COL19A1: variants seen among roughly 807,000 people sequenced by gnomAD.
COL19A1 encodes collagen alpha-1(XIX) chain.
COL19A1 carries 159 observed loss-of-function variants against 190.2 expected under a neutral mutation model. The ratio of observed to expected loss-of-function variants is 0.84; its 90% confidence interval spans 0.73 to 0.95. The LOEUF (loss-of-function observed/expected upper bound fraction) is 0.95, where lower values mean the gene tolerates loss of function less well. COL19A1 is among the 40% of genes least tolerant of loss of function. The probability of loss-of-function intolerance (pLI) is 0.00; values close to 1 mark genes in which losing one functional copy is unlikely to be tolerated. For synonymous variants in COL19A1, 509 were observed against 458.9 expected, an observed-to-expected ratio of 1.11 and a Z score of -1.39; for missense variants, 1,418 against 1,431.9, an observed-to-expected ratio of 0.99 and a Z score of 0.16.
At chr6:70,087,636 G>C (rs1358583637) in intron 15 of COL19A1, among the ~76,000 whole-genome samples, 2 of 152,250 alleles carry the variant, frequency 1.3e-5, no homozygotes, top group East Asian at 3.9e-4. Context: ...ATTTCATTTA[G>C]AAACAGAGGC....
chr6:70,104,008 C>T (rs1783800651), intron 16 of COL19A1, among the ~76,000 whole-genome samples: 1 of 152,184 alleles, frequency 6.6e-6, no homozygotes, highest in Non-Finnish European at 1.5e-5. Flanking sequence ...GGCCTCAACC[C>T]AGTACCCTAG....
At chr6:69,921,542 A>ATATATATTCATATATATATTCG (rs1275409868) in intron 4 of COL19A1, among the ~76,000 whole-genome samples, 1 of 135,200 alleles carries the variant, frequency 7.4e-6, no homozygotes, top group African/African-American at 2.7e-5. Flanking sequence ...ATGTATATTC[A>ATATATATTCATATATATATTCG]TATATATTCA....
intron 3 of COL19A1, among the ~76,000 whole-genome samples, chr6:69,899,479 G>GA: frequency 6.6e-6 from 1 of 151,892 alleles, no homozygotes; most frequent in Non-Finnish European, 1.5e-5. Context: ...AGATGATGTA[G>GA]AAAAAATTCC....
At chr6:70,125,088 T>A (rs577176795) in intron 17 of COL19A1, among the ~76,000 whole-genome samples, 2 of 127,708 alleles carry the variant, frequency 1.6e-5, no homozygotes, top group East Asian at 4.4e-4. Context: ...CCTGTCTGTT[T>A]TTGGACACTG....
intron 14 of COL19A1, among the ~76,000 whole-genome samples, chr6:70,041,726 C>A (rs80071095): frequency 0.05 from 7,650 of 151,956 alleles, 250 homozygotes; most frequent in Non-Finnish European, 0.075. Context: ...ATAAAAAAAA[C>A]AGAAATGTTC....
intron 15 of COL19A1, among the ~76,000 whole-genome samples, chr6:70,079,069 G>T (rs969281043): frequency 1.3e-5 from 2 of 152,002 alleles, no homozygotes; most frequent in Non-Finnish European, 2.9e-5. Context: ...CTATCTCAAA[G>T]AAAAGAAAAC....
intron 16 of COL19A1, among the ~76,000 whole-genome samples, chr6:70,112,333 A>G (rs1451705120): frequency 6.6e-6 from 1 of 152,048 alleles, no homozygotes; most frequent in East Asian, 1.9e-4. Flanking sequence ...TGGGTCATTG[A>G]TGTTGCATCT....
chr6:70,067,549 C>T lies in COL19A1; in HGVS notation c.1171-874C>T, dbSNP rs1178614047. On this transcript the variant is annotated intron_variant, in intron 14 of 50. Coordinates refer to ENST00000620364, the MANE Select transcript of COL19A1 (RefSeq NM_001858.6). The stretch of plus-strand genomic sequence containing the variant: ...GAGGTAGCAGTGGTTCCATCAAGCA[C>T]GTCGTGGGTCTGAATGCAGCTCAGA... Among the ~76,000 whole-genome samples, 5 of 152,074 alleles carry T rather than the reference C, an allele frequency of 3.3e-5. No homozygotes were observed. In the Middle Eastern group the frequency reaches 0.01, roughly 310 times the overall value.
chr6:69,883,149 T>C (rs1768675581), intron 2 of COL19A1, among the ~76,000 whole-genome samples: 2 of 152,220 alleles, frequency 1.3e-5, no homozygotes, highest in African/African-American at 2.4e-5. Flanking sequence ...GGCGGCGGCA[T>C]GCTTGGCATG....
chr6:70,201,276 C>G (rs16868656), intron 49 of COL19A1, among the ~76,000 whole-genome samples: 8,994 of 152,230 alleles, frequency 0.059, 501 homozygotes, highest in African/African-American at 0.14. Context: ...CTGTTCCACT[C>G]AAACACCTGG....
At chr6:70,093,060 T>A (rs1783027673) in intron 15 of COL19A1, among the ~76,000 whole-genome samples, 1 of 152,150 alleles carries the variant, frequency 6.6e-6, no homozygotes, top group Non-Finnish European at 1.5e-5. Flanking sequence ...ACTCTAAACC[T>A]ACAAACATAA....
rs182971351 is a variant in COL19A1 at position 69,905,179 on chromosome 6, C to T, written c.266+4841C>T. Among the ~76,000 whole-genome samples, 395 of 152,250 alleles carry T rather than the reference C, an allele frequency of 2.6e-3. 2 individuals carry two copies. Among genetic ancestry groups the T allele is most frequent in the Non-Finnish European group, 3.4e-3 (234 of 68,014 alleles). ...ATGCCAATTGTCAGGTCCATGACTA[C>T]GCCAGATGTTATGCTGGGGTCAGGT... On this transcript the variant is annotated intron_variant, in intron 4 of 50. Coordinates refer to ENST00000620364, the MANE Select transcript of COL19A1 (RefSeq NM_001858.6).
At chr6:69,899,993 T>A (rs1770060905) in intron 3 of COL19A1, among the ~76,000 whole-genome samples, 1 of 152,192 alleles carries the variant, frequency 6.6e-6, no homozygotes, top group African/African-American at 2.4e-5. Flanking sequence ...AAATTAAAAT[T>A]GAGTTTTTTT....
At chr6:70,168,900 G>A (rs770396856) in intron 40 of COL19A1, among the ~76,000 whole-genome samples, 48 of 152,170 alleles carry the variant, frequency 3.2e-4, no homozygotes, top group Admixed American at 9.2e-4. Context: ...GTCTCTTTCC[G>A]TCAGTGTGTT....
chr6:70,118,542 G>T (rs1784712554), intron 16 of COL19A1, among the ~76,000 whole-genome samples: 1 of 152,058 alleles, frequency 6.6e-6, no homozygotes, highest in African/African-American at 2.4e-5. Flanking sequence ...CATTAAACTT[G>T]CAATTTGTGG....
At chr6:69,870,349 A>C (rs1767747155) in intron 1 of COL19A1, among the ~76,000 whole-genome samples, 1 of 152,238 alleles carries the variant, frequency 6.6e-6, no homozygotes, top group Non-Finnish European at 1.5e-5. Flanking sequence ...GCAGAAGCAT[A>C]AGTGGGTATT....
intron 18 of COL19A1, among the ~76,000 whole-genome samples, chr6:70,131,835 C>T (rs2150224447): frequency 6.6e-6 from 1 of 152,304 alleles, no homozygotes; most frequent in South Asian, 2.1e-4. Context: ...CTTAGACATT[C>T]TTAAGACCTC....
intron 19 of COL19A1, among the ~76,000 whole-genome samples, chr6:70,138,031 A>G (rs1785980287): frequency 6.6e-6 from 1 of 152,212 alleles, no homozygotes; most frequent in African/African-American, 2.4e-5. Context: ...CCAAAGTCAC[A>G]CAGTACTAAG....
chr6:70,197,915 C>T (rs1428713762), intron 48 of COL19A1, among the ~76,000 whole-genome samples: 1 of 152,210 alleles, frequency 6.6e-6, no homozygotes. Context: ...GGGCTTTTCT[C>T]TTAATAATTC....
Sources: gnomAD v4.1 joint callset for allele counts (sites outside exome capture counted in the v4.1 genomes callset) on GRCh38, gnomAD v4.1.1 for gene constraint, MANE v1.5 for transcripts, NCBI Gene and HGNC (gene_info 2026-07-23, HGNC 2026-07-21) for gene names.